Variants in GNG2 observed in about 807,000 individuals in gnomAD.
GNG2 encodes the protein G protein subunit gamma 2.
GNG2 carries 5 observed loss-of-function variants against 5.5 expected under a neutral mutation model. The observed-to-expected ratio is 0.91, with a 90% CI of 0.48 to 1.92. The LOEUF is 1.92. GNG2 is among the 30% of genes most tolerant of loss of function. The pLI, the probability that GNG2 is intolerant of heterozygous loss-of-function variation, is 0.01. For missense variants in GNG2, 55 were observed against 88.4 expected (o/e 0.62, Z 1.52); for synonymous variants, 28 against 32.0 (o/e 0.88, Z 0.42).
At chr14:51,867,447 G>A (rs1180533816) in intron 1 of GNG2, among the ~76,000 whole-genome samples, 1 of 152,148 alleles carries the variant, frequency 6.6e-6, no homozygotes, top group Admixed American at 6.5e-5. Flanking sequence ...AATTGTTAAT[G>A]ACACCCCATT....
intron 2 of GNG2, among the ~76,000 whole-genome samples, chr14:51,905,877 A>G (rs1414813834): frequency 1.3e-5 from 2 of 152,180 alleles, no homozygotes; most frequent in African/African-American, 2.4e-5. Context: ...CTGCCATGTG[A>G]AGAAGGATGT....
Position 51,967,735 on chromosome 14 carries a change from A to G in GNG2, c.*1048A>G, listed in dbSNP as rs1451556408. ...CAAGCAGGAGAGTTAAGGATTCACC[A>G]TGAGCTGGGAAATGCTTTTGCCATG... is the stretch of plus-strand genomic sequence containing the variant. On this transcript the variant is annotated 3_prime_UTR_variant, in exon 4 of 4. Transcript: ENST00000556766. 2 of 152,096 alleles carry G rather than the reference A, an allele frequency of 1.3e-5. No homozygotes were observed. Among genetic ancestry groups the G allele is most frequent in the East Asian group, 3.9e-4 (2 of 5,182 alleles). 9.4% of individuals were successfully genotyped at this position (152,096 alleles called of 1,614,324 possible). A position where few individuals can be genotyped will look rare whatever the true frequency, so the allele number is the denominator to read the frequency against.
At chr14:51,928,026 CTTTTTT>C (rs35561589) in intron 2 of GNG2, among the ~76,000 whole-genome samples, 1 of 103,052 alleles carries the variant, frequency 9.7e-6, no homozygotes, top group Admixed American at 9.8e-5. Flanking sequence ...CTCTCTCTCT[CTTTTTT>C]TTTTTTTTTT....
chr14:51,899,008 C>T (rs1885379278), intron 2 of GNG2, among the ~76,000 whole-genome samples: 1 of 152,190 alleles, frequency 6.6e-6, no homozygotes, highest in African/African-American at 2.4e-5. Flanking sequence ...ATCTCTGTAT[C>T]TGATAGTGCC....
chr14:51,917,243 A>G (rs1378115499), intron 2 of GNG2: 4 of 392,334 alleles, frequency 1.0e-5, no homozygotes, highest in Non-Finnish European at 1.5e-5. Context: ...TGGAGTCAAA[A>G]TATCCACCAG....
At chr14:51,945,957 A>G (rs1298774825) in intron 2 of GNG2, among the ~76,000 whole-genome samples, 1 of 152,194 alleles carries the variant, frequency 6.6e-6, no homozygotes, top group Non-Finnish European at 1.5e-5. Flanking sequence ...TTGGCTTTAT[A>G]AGGTTTGAAC....
chr14:51,876,115 T>C (rs1172412380), intron 1 of GNG2, among the ~76,000 whole-genome samples: 2 of 152,028 alleles, frequency 1.3e-5, no homozygotes, highest in Admixed American at 6.5e-5. Flanking sequence ...CTTTTGACTT[T>C]TATTGTAGAG....
At chr14:51,944,426 G>A (rs941440175) in intron 2 of GNG2, among the ~76,000 whole-genome samples, 27 of 152,248 alleles carry the variant, frequency 1.8e-4, no homozygotes, top group African/African-American at 6.0e-4. Flanking sequence ...TATAATTTAT[G>A]CAGACTCCAC....
At chr14:51,870,419 A>G (rs1883224067) in intron 1 of GNG2, among the ~76,000 whole-genome samples, 1 of 152,246 alleles carries the variant, frequency 6.6e-6, no homozygotes, top group Admixed American at 6.5e-5. Flanking sequence ...TAAGAATGGC[A>G]TTTAATTTAG....
chr14:51,852,233 G>C (rs1881941185), intron 2 of GNG2, among the ~76,000 whole-genome samples: 1 of 152,066 alleles, frequency 6.6e-6, no homozygotes, highest in Non-Finnish European at 1.5e-5. Flanking sequence ...AGATACTATA[G>C]GACTTTGTTA....
intron 2 of GNG2, among the ~76,000 whole-genome samples, chr14:51,926,337 A>G (rs1887317664): frequency 6.6e-6 from 1 of 152,216 alleles, no homozygotes; most frequent in South Asian, 2.1e-4. Context: ...ACTTTCACAA[A>G]TATTCCATCT....
Position 51,889,302 on chromosome 14 carries a change from G to A in GNG2, c.-30+11645G>A, listed in dbSNP as rs532609933. ...TAATTTTTGTATTTTTAGTAGAGAC[G>A]GGGTTTCACCATGTTGGCCAGGATG... is the stretch of plus-strand genomic sequence containing the variant. On this transcript the variant is annotated intron_variant, in intron 2 of 3. Coordinates refer to ENST00000556766, the MANE Select transcript of GNG2 (RefSeq NM_053064.5). Among the ~76,000 whole-genome samples, 32 of 151,848 alleles carry A rather than the reference G, an allele frequency of 2.1e-4. No homozygotes were observed. In the South Asian group the frequency reaches 3.5e-3, roughly 17 times the overall value.
chr14:51,853,086 G>T (rs562941037), intron 2 of GNG2, among the ~76,000 whole-genome samples: 1 of 152,038 alleles, frequency 6.6e-6, no homozygotes. Flanking sequence ...CTTAGTAGTT[G>T]TTCACTCATT....
chr14:51,877,675 T>C lies in GNG2; in HGVS notation c.-30+18T>C, dbSNP rs1388154719. ...CTGAAGAGGTAAGAATTCCAAAATATTTTCTTCTAGAATCTTGAATTTAAC... is the reference window on the plus strand; with the variant it reads ...CTGAAGAGGTAAGAATTCCAAAATACTTTCTTCTAGAATCTTGAATTTAAC... On this transcript the variant is annotated intron_variant, in intron 2 of 3. Transcript: ENST00000556766. 8.8e-6 allele frequency: 4 copies of C among 454,220 alleles called. No homozygotes were observed. Among genetic ancestry groups the C allele is most frequent in the Non-Finnish European group, 1.8e-5 (4 of 225,978 alleles). 28.1% of individuals were successfully genotyped at this position (454,220 alleles called of 1,614,324 possible). A position where few individuals can be genotyped will look rare whatever the true frequency, so the allele number is the denominator to read the frequency against.
At chr14:51,941,137 C>A (rs970372353) in intron 2 of GNG2, among the ~76,000 whole-genome samples, 3 of 151,954 alleles carry the variant, frequency 2.0e-5, no homozygotes, top group Admixed American at 1.3e-4. Flanking sequence ...TACTTACTTG[C>A]TGCAGAATAA....
chr14:51,928,346 C>T (rs1887459150), intron 2 of GNG2, among the ~76,000 whole-genome samples: 1 of 152,030 alleles, frequency 6.6e-6, no homozygotes. Flanking sequence ...GTTTTTATTA[C>T]CGGTGAACTT....
intron 2 of GNG2, among the ~76,000 whole-genome samples, chr14:51,920,487 A>C (rs1886953086): frequency 6.6e-6 from 1 of 152,102 alleles, no homozygotes; most frequent in Non-Finnish European, 1.5e-5. Context: ...TTTTTTCCAA[A>C]TATTTTCAAT....
chr14:51,891,873 C>T (rs546069970), intron 2 of GNG2, among the ~76,000 whole-genome samples: 2 of 152,314 alleles, frequency 1.3e-5, no homozygotes, highest in African/African-American at 4.8e-5. Context: ...CTCTGATGCA[C>T]GATGCTGCTG....
At chr14:51,963,850 GA>G (rs1161828037) in intron 3 of GNG2, among the ~76,000 whole-genome samples, 1 of 152,138 alleles carries the variant, frequency 6.6e-6, no homozygotes, top group Non-Finnish European at 1.5e-5. Flanking sequence ...TCAATGTCTG[GA>G]ACAAAATAAG....
Sources: allele counts gnomAD v4.1 joint callset (sites outside exome capture counted in the v4.1 genomes callset), GRCh38; gene constraint gnomAD v4.1.1; transcripts MANE v1.5; gene names NCBI Gene and HGNC (gene_info 2026-07-23, HGNC 2026-07-21).